Variants in FARP1 observed in about 807,000 individuals in gnomAD.
The protein encoded by FARP1 is FERM, ARHGEF and pleckstrin domain-containing protein 1.
A neutral mutation model predicts 128.8 loss-of-function variants in FARP1; 52 were observed. The observed-to-expected ratio is 0.40, with a 90% confidence interval of 0.32 to 0.51. FARP1 has a LOEUF of 0.51. FARP1 is among the 20% of genes least tolerant of loss of function. FARP1 has a pLI of 0.45. For missense variants in FARP1, 1,333 were observed against 1,367.9 expected, an observed-to-expected ratio of 0.97 and a Z score of 0.40; for synonymous variants, 580 against 551.8, an observed-to-expected ratio of 1.05 and a Z score of -0.72.
At chr13:98,413,283 G>T (rs1009973598) in intron 16 of FARP1, among the ~76,000 whole-genome samples, 1 of 152,184 alleles carries the variant, frequency 6.6e-6, no homozygotes, top group African/African-American at 2.4e-5. Flanking sequence ...AGTCAGCCTC[G>T]CTGGAAATGG....
At chr13:98,280,333 G>A (rs575819630) in intron 2 of FARP1, among the ~76,000 whole-genome samples, 26 of 152,304 alleles carry the variant, frequency 1.7e-4, no homozygotes, top group African/African-American at 6.3e-4. Context: ...ACGGGAAATG[G>A]CCCGAGCTGG....
intron 2 of FARP1, among the ~76,000 whole-genome samples, chr13:98,299,646 G>A (rs1885841118): frequency 6.6e-6 from 1 of 152,080 alleles, no homozygotes; most frequent in South Asian, 2.1e-4. Context: ...TTATAGTCTT[G>A]GAAACCTGAA....
chr13:98,396,403 C>T (rs1566289842), intron 13 of FARP1: 1 of 399,216 alleles, frequency 2.5e-6, no homozygotes, highest in African/African-American at 2.1e-5. Flanking sequence ...TTCCCCGTCC[C>T]TGCTGAGAAG....
intron 2 of FARP1, among the ~76,000 whole-genome samples, chr13:98,214,875 T>A (rs560581597): frequency 4.6e-5 from 7 of 152,350 alleles, no homozygotes; most frequent in African/African-American, 1.7e-4. Context: ...GTGGTCCGTA[T>A]GTGCGCCACC....
intron 2 of FARP1, among the ~76,000 whole-genome samples, chr13:98,265,511 G>A (rs963016591): frequency 3.3e-5 from 5 of 150,730 alleles, no homozygotes; most frequent in African/African-American, 1.2e-4. Flanking sequence ...AGTAGAGACG[G>A]GGTTTCACCG....
intron 2 of FARP1, among the ~76,000 whole-genome samples, chr13:98,321,799 T>A (rs1267471993): frequency 6.6e-6 from 1 of 152,258 alleles, no homozygotes; most frequent in Admixed American, 6.5e-5. Flanking sequence ...AGAAAAATGT[T>A]TGATAATATT....
intron 8 of FARP1, among the ~76,000 whole-genome samples, chr13:98,387,921 CA>C (rs3837541): frequency 6.6e-6 from 1 of 152,160 alleles, no homozygotes; most frequent in East Asian, 1.9e-4. Flanking sequence ...GTGTCATTTG[CA>C]GCAAATTAAA....
chr13:98,448,103 G>A lies in FARP1; in HGVS notation c.3057-133G>A, dbSNP rs1277697995. 5.5e-6 allele frequency: 4 copies of A among 731,630 alleles called. No individual in the cohort carries two copies. In the African/African-American group the frequency reaches 6.9e-5, roughly 13 times the overall value. 45.3% of individuals were successfully genotyped at this position (731,630 alleles called of 1,614,324 possible). ...ACGCCTGGGTGCTGGCTGTTCCCTT[G>A]CTCTTCTGCTGAAGTGGCAGATTAC... On this transcript the variant is annotated intron_variant, in intron 26 of 26. Coordinates refer to ENST00000319562, the MANE Select transcript of FARP1 (RefSeq NM_005766.4).
intron 2 of FARP1, among the ~76,000 whole-genome samples, chr13:98,298,131 G>T (rs116879019): frequency 6.6e-6 from 1 of 152,332 alleles, no homozygotes; most frequent in East Asian, 1.9e-4. Context: ...GCGCAGCACG[G>T]TGGCCCTGCG....
intron 2 of FARP1, among the ~76,000 whole-genome samples, chr13:98,337,777 C>A (rs572777138): frequency 6.6e-6 from 1 of 152,182 alleles, no homozygotes. Flanking sequence ...TCTATCTCAT[C>A]GTTGGCTTTC....
intron 24 of FARP1, among the ~76,000 whole-genome samples, chr13:98,442,707 A>T (rs9517297): frequency 6.6e-6 from 1 of 152,052 alleles, no homozygotes; most frequent in Non-Finnish European, 1.5e-5. Context: ...AGACCCCCGA[A>T]GCGGAGGAGC....
intron 17 of FARP1, among the ~76,000 whole-genome samples, chr13:98,428,679 G>A (rs1246198501): frequency 6.6e-6 from 1 of 152,164 alleles, no homozygotes; most frequent in Non-Finnish European, 1.5e-5. Context: ...CTTCCACCCT[G>A]CCTTCCGGCC....
chr13:98,286,788 CTTG>C (rs1165236253), intron 2 of FARP1, among the ~76,000 whole-genome samples: 1 of 152,114 alleles, frequency 6.6e-6, no homozygotes, highest in Non-Finnish European at 1.5e-5. Context: ...GGCACTTCTT[CTTG>C]TTGTTGTTTA....
Position 98,440,210 on chromosome 13 carries a change from C to G in FARP1, c.2604C>G (p.Phe868Leu). 1 of 1,613,906 alleles carries G rather than the reference C, an allele frequency of 6.2e-7. No homozygotes were observed. ...AGAGCAGCAGCCCCGCCCCTGAGTTCCTGGCCAGCAGCCCCCCTGACAACA... is the reference window on the plus strand; with the variant it reads ...AGAGCAGCAGCCCCGCCCCTGAGTTGCTGGCCAGCAGCCCCCCTGACAACA... ...AEKSSSPAPE[F>L]LASSPPDNKS... The change falls in exon 23 of 27, where the codon TTC becomes TTG. Residue 868 changes from phenylalanine (F) to leucine (L), a missense_variant. Around this residue, in one of 2 missense-constraint regions of FARP1, gnomAD observed 1,009 missense variants for 969.8 expected, o/e 1.04. Coordinates refer to ENST00000319562, the MANE Select transcript of FARP1 (RefSeq NM_005766.4).
chr13:98,167,104 G>A (rs549395044), intron 1 of FARP1, among the ~76,000 whole-genome samples: 11 of 152,184 alleles, frequency 7.2e-5, no homozygotes, highest in Middle Eastern at 3.4e-3. Context: ...TTGACAACTC[G>A]ACAAGCCATT....
chr13:98,419,783 G>A (rs1891526191), intron 16 of FARP1, among the ~76,000 whole-genome samples: 1 of 152,282 alleles, frequency 6.6e-6, no homozygotes, highest in East Asian at 1.9e-4. Flanking sequence ...GGTGGAGCAA[G>A]CATCTAGAGA....
Position 98,395,307 on chromosome 13 carries a change from GA to G in FARP1, c.1247del (p.Lys416ArgfsTer59). ...GQSCRRGKEP[K>X]VSAGEPGSHP... ...AGAGCTGCCGGCGAGGAAAGGAACC[GA>G]AGGTTTCCGCCGGGGAGCCGGGGTC... On this transcript the variant is annotated frameshift_variant, in exon 13 of 27. Coordinates refer to ENST00000319562, the MANE Select transcript of FARP1 (RefSeq NM_005766.4). LOFTEE classifies it high-confidence loss of function. The G allele has an allele frequency of 6.2e-7, 1 of 1,610,316 alleles. No individual in the cohort carries two copies. Among genetic ancestry groups the G allele is most frequent in the Non-Finnish European group, 8.5e-7 (1 of 1,177,458 alleles).
At chr13:98,278,852 G>C (rs2139614132) in intron 2 of FARP1, among the ~76,000 whole-genome samples, 1 of 152,114 alleles carries the variant, frequency 6.6e-6, no homozygotes, top group African/African-American at 2.4e-5. Flanking sequence ...TTGAGACAGA[G>C]TCTCCCTCTG....
chr13:98,349,737 G>A (rs1888336272), intron 3 of FARP1, among the ~76,000 whole-genome samples: 1 of 148,726 alleles, frequency 6.7e-6, no homozygotes, highest in South Asian at 2.2e-4. Flanking sequence ...ATCAATTCTG[G>A]TTTCTTATAA....
Sources: gnomAD v4.1 joint callset for allele counts (sites outside exome capture counted in the v4.1 genomes callset) on GRCh38, gnomAD v4.1.1 for gene constraint, gnomAD v4.1.1 regional missense constraint, MANE v1.5 for transcripts, NCBI Gene and HGNC (gene_info 2026-07-23, HGNC 2026-07-21) for gene names.